The following TPRG1 variants were observed in gnomAD, a reference collection of about 807,000 sequenced individuals.
TPRG1 encodes tumor protein p63 regulated 1, also known as tumor protein p63-regulated gene 1 protein.
Under a neutral mutation model 29.3 loss-of-function variants are expected in TPRG1, and 29 were observed. The ratio of observed to expected loss-of-function variants is 0.99; its 90% confidence interval spans 0.74 to 1.35. The LOEUF (loss-of-function observed/expected upper bound fraction) is 1.35, where lower values mean the gene tolerates loss of function less well. TPRG1 is among the 40% of genes most tolerant of loss of function. The pLI is 0.00. For missense variants in TPRG1, 327 were observed against 335.0 expected, an observed-to-expected ratio of 0.98 and a Z score of 0.19; for synonymous variants, 130 against 116.8, an observed-to-expected ratio of 1.11 and a Z score of -0.73.
At chr3:189,026,277 C>CAG (rs546905710) in intron 4 of TPRG1, among the ~76,000 whole-genome samples, 20 of 152,058 alleles carry the variant, frequency 1.3e-4, no homozygotes, top group Non-Finnish European at 2.1e-4. Flanking sequence ...GAGAAAACGA[C>CAG]AGAGAGAGAG....
At chr3:189,038,713 A>G (rs901261922) in intron 4 of TPRG1, among the ~76,000 whole-genome samples, 1 of 152,062 alleles carries the variant, frequency 6.6e-6, no homozygotes, top group Non-Finnish European at 1.5e-5. Context: ...AGATAATTAC[A>G]ACATTTAAAA....
intron 4 of TPRG1, among the ~76,000 whole-genome samples, chr3:189,043,942 T>C (rs1368302360): frequency 6.6e-6 from 1 of 152,160 alleles, no homozygotes; most frequent in Non-Finnish European, 1.5e-5. Context: ...CAATACCCAG[T>C]AGTGAGACTA....
At chr3:189,169,105 C>T (rs116300145), upstream of TPRG1, among the ~76,000 whole-genome samples, 854 of 152,224 alleles carry the variant, frequency 5.6e-3, 10 homozygotes, top group African/African-American at 0.02. Context: ...TAACAACATA[C>T]GTTATTTCTC....
chr3:189,222,844 G>A (rs1166139848), intron 3 of TPRG1, among the ~76,000 whole-genome samples: 3 of 152,062 alleles, frequency 2.0e-5, no homozygotes, highest in East Asian at 1.9e-4. Context: ...CCAAATTTCC[G>A]GTGCTATCCC....
At chr3:189,155,391 C>T (rs760003815) in intron 5 of TPRG1, among the ~76,000 whole-genome samples, 2 of 152,126 alleles carry the variant, frequency 1.3e-5, no homozygotes, top group African/African-American at 2.4e-5. Context: ...GGCCCTCTAA[C>T]ATGTCTGTGT....
chr3:189,067,501 C>G (rs558542052), intron 4 of TPRG1, among the ~76,000 whole-genome samples: 2 of 152,106 alleles, frequency 1.3e-5, no homozygotes, highest in African/African-American at 4.8e-5. Flanking sequence ...GACAGAGAAC[C>G]CAGAAACAAA....
chr3:189,253,301 G>A lies in TPRG1; in HGVS notation c.479+14392G>A, dbSNP rs913933283. Among the ~76,000 whole-genome samples, 9 of 152,226 alleles carry A rather than the reference G, an allele frequency of 5.9e-5. No homozygotes were observed. In the East Asian group the frequency reaches 1.5e-3, roughly 26 times the overall value. On this transcript the variant is annotated intron_variant, in intron 4 of 5. Coordinates refer to ENST00000345063, the MANE Select transcript of TPRG1 (RefSeq NM_198485.4). Reference sequence around the variant, plus strand: ...GTGAGTGAACTCCCACTCATGTGGTGTTTGGAACCACTCATGGGAGTTCTC... The same window carrying A: ...GTGAGTGAACTCCCACTCATGTGGTATTTGGAACCACTCATGGGAGTTCTC...
At chr3:189,200,295 C>G (rs747424244) in intron 1 of TPRG1, among the ~76,000 whole-genome samples, 2 of 152,178 alleles carry the variant, frequency 1.3e-5, no homozygotes, top group Non-Finnish European at 2.9e-5. Flanking sequence ...TTTCTTATCT[C>G]AACTGGCACA....
intron 4 of TPRG1, among the ~76,000 whole-genome samples, chr3:189,075,245 G>A (rs182715977): frequency 1.3e-5 from 2 of 152,134 alleles, no homozygotes; most frequent in East Asian, 1.9e-4. Flanking sequence ...TGGTTCTCCC[G>A]TCTCCGCCTC....
chr3:189,116,002 T>C (rs1291114960), intron 1 of TPRG1, among the ~76,000 whole-genome samples: 1 of 152,088 alleles, frequency 6.6e-6, no homozygotes, highest in Non-Finnish European at 1.5e-5. Flanking sequence ...TTGGCAAGGA[T>C]GTGGAGAAAC....
At position 189,321,479 on chromosome 3, in the gene TPRG1, A is replaced by G. The variant is rs1237944183; in HGVS notation, c.*659A>G. 1 of 152,066 alleles carries G rather than the reference A, an allele frequency of 6.6e-6. No individual in the cohort carries two copies. Among genetic ancestry groups the G allele is most frequent in the Non-Finnish European group, 1.5e-5 (1 of 67,992 alleles). 9.4% of individuals were successfully genotyped at this position (152,066 alleles called of 1,614,324 possible). A position where few individuals can be genotyped will look rare whatever the true frequency, so the allele number is the denominator to read the frequency against. On this transcript the variant is annotated 3_prime_UTR_variant, in exon 6 of 6. Coordinates refer to ENST00000345063, the MANE Select transcript of TPRG1 (RefSeq NM_198485.4). Reference sequence around the variant, plus strand: ...ATCCTATATATGATCACATCTCTATACGGCTTAGCATTGTATTCCGATGCC... The same window carrying G: ...ATCCTATATATGATCACATCTCTATGCGGCTTAGCATTGTATTCCGATGCC...
intron 1 of TPRG1, chr3:189,190,940 G>C: frequency 1.0e-6 from 1 of 985,236 alleles, no homozygotes; most frequent in Non-Finnish European, 1.2e-6. Flanking sequence ...CAATGAGCCG[G>C]CTTTGAGATA....
At chr3:189,208,111 G>A (rs1043233799) in intron 2 of TPRG1, among the ~76,000 whole-genome samples, 1 of 152,210 alleles carries the variant, frequency 6.6e-6, no homozygotes, top group African/African-American at 2.4e-5. Context: ...TCTCTTACCT[G>A]TGCAATGGAG....
chr3:189,312,043 G>A (rs538962115), intron 5 of TPRG1, among the ~76,000 whole-genome samples: 1 of 151,836 alleles, frequency 6.6e-6, no homozygotes, highest in South Asian at 2.1e-4. Flanking sequence ...TTCAAACTCT[G>A]TTTCAAAAAT....
chr3:189,265,813 G>A (rs887760026), intron 4 of TPRG1, among the ~76,000 whole-genome samples: 2 of 152,272 alleles, frequency 1.3e-5, no homozygotes, highest in Non-Finnish European at 2.9e-5. Context: ...AGTGGGGAGC[G>A]GGAAGGAATG....
chr3:189,246,238 T>A (rs1579017503), intron 4 of TPRG1, among the ~76,000 whole-genome samples: 1 of 152,156 alleles, frequency 6.6e-6, no homozygotes, highest in African/African-American at 2.4e-5. Context: ...GTCCCTTTGC[T>A]CCTCCTTCAC....
At chr3:189,248,547 T>G (rs1741693034) in intron 4 of TPRG1, among the ~76,000 whole-genome samples, 1 of 151,306 alleles carries the variant, frequency 6.6e-6, no homozygotes, top group Non-Finnish European at 1.5e-5. Context: ...AAATTTTAAT[T>G]CATTTATGGT....
chr3:189,196,084 T>G (rs1040920731), intron 1 of TPRG1, among the ~76,000 whole-genome samples: 2 of 152,204 alleles, frequency 1.3e-5, no homozygotes, highest in African/African-American at 4.8e-5. Flanking sequence ...CTCAGGGATT[T>G]GAGGCAGTTT....
chr3:189,221,649 C>A (rs1048068188), intron 3 of TPRG1, among the ~76,000 whole-genome samples: 4 of 152,132 alleles, frequency 2.6e-5, no homozygotes, highest in Non-Finnish European at 4.4e-5. Context: ...GAAGAGCAGC[C>A]TGGGAGACAA....
Sources: allele counts gnomAD v4.1 joint callset (sites outside exome capture counted in the v4.1 genomes callset), GRCh38; gene constraint gnomAD v4.1.1; transcripts MANE v1.5; gene names NCBI Gene and HGNC (gene_info 2026-07-23, HGNC 2026-07-21).